SLC9A9: variants seen among roughly 807,000 people sequenced by gnomAD.
The protein encoded by SLC9A9 is sodium/hydrogen exchanger 9.
In SLC9A9, 62 loss-of-function variants were observed where a neutral mutation model predicts 77.8. The ratio of observed to expected loss-of-function variants is 0.80; its 90% CI spans 0.65 to 0.98. SLC9A9 has a LOEUF of 0.98. Ranked by LOEUF, SLC9A9 falls within the 50% of genes least tolerant of loss-of-function variation. The probability of loss-of-function intolerance (pLI) is 0.00; values close to 1 mark genes in which losing one functional copy is unlikely to be tolerated. For synonymous variants in SLC9A9, 320 were observed against 283.5 expected (o/e 1.13, Z -1.29); for missense variants, 775 against 774.9 (o/e 1.00, Z 0.00).
chr3:143,346,793 C>CA (rs557533988), intron 14 of SLC9A9, among the ~76,000 whole-genome samples: 2 of 150,668 alleles, frequency 1.3e-5, no homozygotes, highest in Non-Finnish European at 3.0e-5. Context: ...AACTCCGTCT[C>CA]AAAAAAACAA....
intron 14 of SLC9A9, among the ~76,000 whole-genome samples, chr3:143,305,499 C>T (rs2030742065): frequency 6.6e-6 from 1 of 152,170 alleles, no homozygotes; most frequent in Non-Finnish European, 1.5e-5. Context: ...GTCTCTCTGA[C>T]CTTAAAGTCC....
Position 143,559,560 on chromosome 3 carries a change from G to GT in SLC9A9, c.1001-7111dup, listed in dbSNP as rs563044713. On this transcript the variant is annotated intron_variant, in intron 8 of 15. Coordinates refer to ENST00000316549, the MANE Select transcript of SLC9A9 (RefSeq NM_173653.4). ...GGATGAACCCTTCAATTCAGTCTTT[G>GT]TTTTTTTTTTTAAGGTCAAAGAAAT... Among the ~76,000 whole-genome samples, 644 of 143,192 alleles carry GT rather than the reference G, an allele frequency of 4.5e-3. 3 individuals carry two copies. The highest frequency in any genetic ancestry group is 0.012 in the African/African-American group (487 of 39,272). The allele number at this position is 143,192 out of a possible 152,430, so 93.9% of individuals were successfully genotyped here.
chr3:143,549,888 C>T (rs1051854671), intron 9 of SLC9A9, among the ~76,000 whole-genome samples: 5 of 152,168 alleles, frequency 3.3e-5, no homozygotes, highest in African/African-American at 1.2e-4. Flanking sequence ...TCCCTTTAAG[C>T]CCTAGGGAAA....
At chr3:143,814,907 G>A (rs981422861) in intron 2 of SLC9A9, among the ~76,000 whole-genome samples, 1 of 152,144 alleles carries the variant, frequency 6.6e-6, no homozygotes, top group African/African-American at 2.4e-5. Context: ...GAAAAAATGA[G>A]TGATGGCAAG....
chr3:143,350,374 T>C (rs543435472), intron 14 of SLC9A9, among the ~76,000 whole-genome samples: 1 of 152,338 alleles, frequency 6.6e-6, no homozygotes, highest in African/African-American at 2.4e-5. Flanking sequence ...ATGTCACTCT[T>C]ATGTCTACAA....
chr3:143,788,536 T>G (rs1029567379), intron 4 of SLC9A9, among the ~76,000 whole-genome samples: 1 of 151,674 alleles, frequency 6.6e-6, no homozygotes, highest in Non-Finnish European at 1.5e-5. Flanking sequence ...ACTAAAACTA[T>G]GAAATTAGCT....
intron 9 of SLC9A9, among the ~76,000 whole-genome samples, chr3:143,537,191 TTAGG>T (rs2036603806): frequency 6.6e-6 from 1 of 152,172 alleles, no homozygotes; most frequent in African/African-American, 2.4e-5. Context: ...TTAGAATCAC[TTAGG>T]TAGAGTTTAA....
intron 6 of SLC9A9, among the ~76,000 whole-genome samples, chr3:143,606,436 C>CTCTCTCTCTCTATATATATATATATA (rs1419410834): frequency 5.5e-5 from 3 of 54,216 alleles, no homozygotes; most frequent in African/African-American, 2.3e-4. Context: ...CTCTCTCTCT[C>CTCTCTCTCTCTATATATATATATATA]TATATATATA....
intron 12 of SLC9A9, among the ~76,000 whole-genome samples, chr3:143,442,849 G>C (rs370943940): frequency 6.6e-6 from 1 of 152,208 alleles, no homozygotes; most frequent in East Asian, 1.9e-4. Flanking sequence ...AACAAGATGG[G>C]AGAGGACATG....
At chr3:143,781,158 T>C (rs1183859390) in intron 4 of SLC9A9, among the ~76,000 whole-genome samples, 4 of 152,204 alleles carry the variant, frequency 2.6e-5, no homozygotes, top group Non-Finnish European at 5.9e-5. Flanking sequence ...TACATTAGGG[T>C]TCACTATTTG....
intron 14 of SLC9A9, among the ~76,000 whole-genome samples, chr3:143,291,856 A>G (rs2029995437): frequency 6.6e-6 from 1 of 152,116 alleles, no homozygotes; most frequent in Non-Finnish European, 1.5e-5. Flanking sequence ...TTCTGTTTTA[A>G]AAAGAGGAGC....
chr3:143,419,530 A>G (rs1251784389), intron 12 of SLC9A9, among the ~76,000 whole-genome samples: 1 of 152,166 alleles, frequency 6.6e-6, no homozygotes, highest in Non-Finnish European at 1.5e-5. Flanking sequence ...TTCCGTTTCT[A>G]TCAGTTTACG....
intron 9 of SLC9A9, among the ~76,000 whole-genome samples, chr3:143,521,443 A>G (rs1287872200): frequency 6.6e-6 from 1 of 152,194 alleles, no homozygotes; most frequent in East Asian, 1.9e-4. Flanking sequence ...TTCTTCATGT[A>G]TAATTCAATA....
chr3:143,670,060 C>G (rs975796588), intron 5 of SLC9A9, among the ~76,000 whole-genome samples: 3 of 152,172 alleles, frequency 2.0e-5, no homozygotes, highest in African/African-American at 7.2e-5. Flanking sequence ...GTTAAAAACT[C>G]TTCTCTATCT....
chr3:143,341,834 G>C (rs1267355333), intron 14 of SLC9A9, among the ~76,000 whole-genome samples: 2 of 152,108 alleles, frequency 1.3e-5, no homozygotes, highest in South Asian at 2.1e-4. Context: ...ACATGGACGG[G>C]GATAGATCCA....
chr3:143,779,559 C>G (rs998305171), intron 4 of SLC9A9, among the ~76,000 whole-genome samples: 5 of 152,070 alleles, frequency 3.3e-5, no homozygotes, highest in Admixed American at 2.0e-4. Context: ...TTAGTACAGT[C>G]GGGGTTTCAC....
chr3:143,417,831 C>A (rs181693128), intron 12 of SLC9A9, among the ~76,000 whole-genome samples: 4 of 152,000 alleles, frequency 2.6e-5, no homozygotes, highest in Admixed American at 6.6e-5. Flanking sequence ...TAACTCCCCC[C>A]ATATGGCCAT....
rs960995085 is a variant in SLC9A9, at chr3:143,583,385, C to T, written c.756-4662G>A. On this transcript the variant is annotated intron_variant, in intron 6 of 15. Coordinates refer to ENST00000316549, the MANE Select transcript of SLC9A9 (RefSeq NM_173653.4). ...TGATGAAAGCAACATGAATAAGGAT[C>T]ATTTTGCTTACTGTATCATTTCACT... is the stretch of plus-strand genomic sequence containing the variant. Among the ~76,000 whole-genome samples the T allele has an allele frequency of 6.0e-4, 92 of 152,146 alleles. 1 individual carries two copies. Among genetic ancestry groups the T allele is most frequent in the Non-Finnish European group, 4.9e-4 (33 of 68,014 alleles).
intron 9 of SLC9A9, among the ~76,000 whole-genome samples, chr3:143,508,324 T>TAAAATACGTAGGATTG (rs1176401646): frequency 6.6e-6 from 1 of 152,194 alleles, no homozygotes; most frequent in Admixed American, 6.5e-5. Flanking sequence ...TATTGCAAAC[T>TAAAATACGTAGGATTG]AAAATACGTA....
Sources: gnomAD v4.1 joint callset for allele counts (sites outside exome capture counted in the v4.1 genomes callset) on GRCh38, gnomAD v4.1.1 for gene constraint, MANE v1.5 for transcripts, NCBI Gene and HGNC (gene_info 2026-07-23, HGNC 2026-07-21) for gene names.